The following PCDH9 variants were observed in gnomAD, a reference collection of about 807,000 sequenced individuals.
PCDH9 encodes protocadherin 9, also known as protocadherin-9.
A neutral mutation model predicts 70.6 loss-of-function variants in PCDH9; 24 were observed. That is an observed-to-expected ratio of 0.34 (90% CI 0.25 to 0.48). The LOEUF (loss-of-function observed/expected upper bound fraction) is 0.48, where lower values mean the gene tolerates loss of function less well. Ranked by LOEUF, PCDH9 falls within the 20% of genes least tolerant of loss-of-function variation. PCDH9 has a pLI of 0.99. For missense variants in PCDH9, 1,281 were observed against 1,503.6 expected (o/e 0.85, Z 2.45); for synonymous variants, 562 against 558.5 (o/e 1.01, Z -0.09).
intron 3 of PCDH9, among the ~76,000 whole-genome samples, chr13:66,900,599 C>T (rs1188302879): frequency 1.3e-5 from 2 of 151,696 alleles, no homozygotes; most frequent in African/African-American, 4.8e-5. Context: ...GTAAGCAATA[C>T]TTCTTACATC....
chr13:66,786,770 A>G (rs963023830), intron 3 of PCDH9, among the ~76,000 whole-genome samples: 1 of 152,320 alleles, frequency 6.6e-6, no homozygotes, highest in East Asian at 1.9e-4. Context: ...CCTGACAATT[A>G]AGACAGACAT....
intron 3 of PCDH9, among the ~76,000 whole-genome samples, chr13:66,887,394 C>T (rs1387302154): frequency 2.0e-5 from 3 of 151,982 alleles, no homozygotes; most frequent in Non-Finnish European, 4.4e-5. Flanking sequence ...AAAAAAAATG[C>T]TACGTTCTAT....
intron 2 of PCDH9, among the ~76,000 whole-genome samples, chr13:67,067,959 G>A (rs868568902): frequency 1.3e-5 from 2 of 152,032 alleles, no homozygotes; most frequent in South Asian, 4.1e-4. Context: ...CATTTGGTTA[G>A]AACCAGTTGT....
chr13:66,776,279 G>A (rs1299293301), intron 3 of PCDH9, among the ~76,000 whole-genome samples: 1 of 150,200 alleles, frequency 6.7e-6, no homozygotes, highest in African/African-American at 2.5e-5. Context: ...TTCTGGCCAG[G>A]GCAATCAGGC....
chr13:67,029,061 G>T (rs1461443506), intron 2 of PCDH9, among the ~76,000 whole-genome samples: 1 of 151,972 alleles, frequency 6.6e-6, no homozygotes, highest in African/African-American at 2.4e-5. Flanking sequence ...CACTGGTTAT[G>T]CAAAAAAATA....
chr13:67,106,711 C>A (rs985099183), intron 2 of PCDH9, among the ~76,000 whole-genome samples: 2 of 152,216 alleles, frequency 1.3e-5, no homozygotes, highest in African/African-American at 4.8e-5. Flanking sequence ...GCGGATTGGG[C>A]ATCCCTGTGC....
At chr13:66,918,929 T>C (rs1334227190) in intron 2 of PCDH9, among the ~76,000 whole-genome samples, 3 of 151,224 alleles carry the variant, frequency 2.0e-5, no homozygotes, top group Non-Finnish European at 4.5e-5. Flanking sequence ...ACCTACTTAA[T>C]TCTGTTATGC....
At position 66,431,881 on chromosome 13, in the gene PCDH9, T is replaced by C. The variant is rs543456258; in HGVS notation, c.3341-126853A>G. 2.0e-5 allele frequency among the ~76,000 whole-genome samples: 3 copies of C among 152,098 alleles called. No individual in the cohort carries two copies. The East Asian group carries it at 5.8e-4, about 29-fold the overall frequency. On this transcript the variant is annotated intron_variant, in intron 4 of 4. Transcript: ENST00000377865. ...CTCTTTGATATGATTTCATAGACTA[T>C]TGGAAAAAGACAAGTGGAATGACAA...
At chr13:66,756,853 G>T (rs2079545025) in intron 3 of PCDH9, among the ~76,000 whole-genome samples, 1 of 151,814 alleles carries the variant, frequency 6.6e-6, no homozygotes, top group Admixed American at 6.6e-5. Flanking sequence ...TAATTTTTTT[G>T]AGACAGAGTC....
intron 4 of PCDH9, among the ~76,000 whole-genome samples, chr13:66,471,595 G>T (rs144124056): frequency 6.6e-6 from 1 of 151,928 alleles, no homozygotes; most frequent in African/African-American, 2.4e-5. Context: ...TATGTGAAAC[G>T]GCTTACTTGT....
intron 4 of PCDH9, among the ~76,000 whole-genome samples, chr13:66,578,614 A>T (rs1264144036): frequency 6.6e-6 from 1 of 152,080 alleles, no homozygotes; most frequent in East Asian, 1.9e-4. Flanking sequence ...TTTTACAAAG[A>T]AAAGAACAAA....
intron 4 of PCDH9, among the ~76,000 whole-genome samples, chr13:66,494,266 A>G (rs1183963016): frequency 6.6e-6 from 1 of 152,132 alleles, no homozygotes; most frequent in East Asian, 1.9e-4. Context: ...TTCAGAAAAC[A>G]GTAAGCTCTC....
At chr13:66,382,424 G>GAA (rs35686637) in intron 4 of PCDH9, among the ~76,000 whole-genome samples, 1 of 142,546 alleles carries the variant, frequency 7.0e-6, no homozygotes. Flanking sequence ...TAAGTTGAGT[G>GAA]AAAAAAAAAA....
At chr13:66,322,746 G>C (rs1955777321) in intron 4 of PCDH9, among the ~76,000 whole-genome samples, 2 of 152,100 alleles carry the variant, frequency 1.3e-5, no homozygotes, top group Middle Eastern at 6.8e-3. Flanking sequence ...AGTAGATCCA[G>C]TGATTTTATA....
intron 3 of PCDH9, among the ~76,000 whole-genome samples, chr13:66,877,500 C>A (rs1288743195): frequency 6.6e-6 from 1 of 151,812 alleles, no homozygotes. Context: ...AGAATATGAG[C>A]TTACATAAGC....
chr13:66,991,106 T>C (rs931736386), intron 2 of PCDH9: 53 of 152,140 alleles, frequency 3.5e-4, no homozygotes, highest in African/African-American at 1.3e-3. Flanking sequence ...GTCGGTAATA[T>C]ATTTTCTTGT....
At chr13:66,882,157 C>A (rs1020029875) in intron 3 of PCDH9, among the ~76,000 whole-genome samples, 1 of 152,130 alleles carries the variant, frequency 6.6e-6, no homozygotes, top group African/African-American at 2.4e-5. Context: ...GTCATCATTT[C>A]TGAAACTAAC....
At chr13:66,648,246 G>A (rs532102494) in intron 3 of PCDH9, among the ~76,000 whole-genome samples, 2 of 152,308 alleles carry the variant, frequency 1.3e-5, no homozygotes, top group East Asian at 3.9e-4. Context: ...GCAGGCTGGG[G>A]GTGAGACCCA....
intron 2 of PCDH9, among the ~76,000 whole-genome samples, chr13:67,120,778 A>G (rs2086861104): frequency 6.6e-6 from 1 of 152,152 alleles, no homozygotes; most frequent in South Asian, 2.1e-4. Context: ...AATTTATTTG[A>G]TACACTTTCT....
Sources: allele counts gnomAD v4.1 joint callset (sites outside exome capture counted in the v4.1 genomes callset), GRCh38; gene constraint gnomAD v4.1.1; transcripts MANE v1.5; gene names NCBI Gene and HGNC (gene_info 2026-07-23, HGNC 2026-07-21).